IL1RAPL2: variants seen among roughly 807,000 people sequenced by gnomAD.
IL1RAPL2 encodes the protein X-linked interleukin-1 receptor accessory protein-like 2.
In IL1RAPL2, 3 loss-of-function variants were observed where a neutral mutation model predicts 44.1. The ratio of observed to expected loss-of-function variants is 0.07; its 90% CI spans 0.03 to 0.18. The LOEUF is 0.18. Ranked by LOEUF, IL1RAPL2 falls within the 10% of genes least tolerant of loss-of-function variation. The pLI is 1.00. For missense variants in IL1RAPL2, 391 were observed against 496.4 expected, an observed-to-expected ratio of 0.79 and a Z score of 2.02; for synonymous variants, 181 against 178.8, an observed-to-expected ratio of 1.01 and a Z score of -0.10.
chrX:104,776,528 A>G (rs776131311), intron 2 of IL1RAPL2, among the ~76,000 whole-genome samples: 21 of 111,753 alleles, frequency 1.9e-4, no homozygotes, highest in Non-Finnish European at 3.6e-4. Flanking sequence ...CCTCACATGG[A>G]TGAACTCAGG....
intron 5 of IL1RAPL2, among the ~76,000 whole-genome samples, chrX:105,408,232 C>A (rs1185842855): frequency 8.9e-6 from 1 of 111,778 alleles, no homozygotes; most frequent in Non-Finnish European, 1.9e-5. Context: ...GATTCTTTTA[C>A]TTATATTTTT....
intron 4 of IL1RAPL2, among the ~76,000 whole-genome samples, chrX:105,244,936 T>C (rs190441263): frequency 4.5e-4 from 50 of 111,472 alleles, no homozygotes; most frequent in African/African-American, 1.6e-3. Context: ...GCTCAGCATT[T>C]GTCTTATTTG....
chrX:105,496,440 AAGAG>A (rs760549890), intron 6 of IL1RAPL2, among the ~76,000 whole-genome samples: 1 of 112,664 alleles, frequency 8.9e-6, no homozygotes, highest in East Asian at 2.8e-4. Context: ...TTGAGAAAGA[AAGAG>A]AATCATGCTA....
intron 6 of IL1RAPL2, among the ~76,000 whole-genome samples, chrX:105,511,004 T>C (rs1326073864): frequency 1.8e-5 from 2 of 111,593 alleles, no homozygotes; most frequent in Non-Finnish European, 3.8e-5. Context: ...CAACACCATA[T>C]AGAGAGTCCA....
chrX:105,302,107 A>C (rs1011925752), intron 5 of IL1RAPL2, among the ~76,000 whole-genome samples: 1 of 112,018 alleles, frequency 8.9e-6, no homozygotes, highest in Non-Finnish European at 1.9e-5. Context: ...CATTTCTCTG[A>C]TGATCAGTGA....
At chrX:105,164,261 C>A (rs906998580) in intron 2 of IL1RAPL2, among the ~76,000 whole-genome samples, 3 of 111,497 alleles carry the variant, frequency 2.7e-5, no homozygotes, top group African/African-American at 9.8e-5. Flanking sequence ...CTGGCCTGAG[C>A]TGATCCCAAA....
intron 2 of IL1RAPL2, among the ~76,000 whole-genome samples, chrX:105,115,406 C>T (rs2032845042): frequency 9.0e-6 from 1 of 111,444 alleles, no homozygotes; most frequent in Non-Finnish European, 1.9e-5. Flanking sequence ...CTGATTGGTC[C>T]ATTTTACAGA....
At chrX:105,197,168 C>T (rs2033679274) in intron 3 of IL1RAPL2, among the ~76,000 whole-genome samples, 1 of 111,154 alleles carries the variant, frequency 9.0e-6, no homozygotes, top group African/African-American at 3.3e-5. Context: ...GGGAGAACAG[C>T]AGTCATTCTG....
At chrX:104,896,165 C>G (rs757287294) in intron 2 of IL1RAPL2, among the ~76,000 whole-genome samples, 1 of 112,053 alleles carries the variant, frequency 8.9e-6, no homozygotes, top group East Asian at 2.8e-4. Flanking sequence ...ATGGCTTCTC[C>G]CCTTTCTCGG....
intron 2 of IL1RAPL2, among the ~76,000 whole-genome samples, chrX:105,187,599 A>G (rs1401619975): frequency 5.4e-5 from 6 of 111,989 alleles, no homozygotes; most frequent in Non-Finnish European, 9.4e-5. Flanking sequence ...ATGAACCTGG[A>G]GGATATTATG....
chrX:105,080,126 G>T lies in IL1RAPL2; in HGVS notation c.83-115349G>T, dbSNP rs1044765979. Among the ~76,000 whole-genome samples, 165 of 112,120 alleles carry T rather than the reference G, an allele frequency of 1.5e-3. 1 individual carries two copies. Among genetic ancestry groups the T allele is most frequent in the African/African-American group, 5.1e-3 (156 of 30,874 alleles). On this transcript the variant is annotated intron_variant, in intron 2 of 10. Transcript: ENST00000372582. ...TGTAGATTCCGGATATTAGCCCTTT[G>T]TCAGATGGACAGATTGCAAAAATTT...
intron 2 of IL1RAPL2, among the ~76,000 whole-genome samples, chrX:105,058,017 C>T (rs1280568868): frequency 1.9e-5 from 2 of 105,747 alleles, no homozygotes; most frequent in Non-Finnish European, 3.9e-5. Context: ...GGTGCGATCT[C>T]GGCTCACTGC....
chrX:105,427,193 T>G (rs2035817267), intron 5 of IL1RAPL2, among the ~76,000 whole-genome samples: 1 of 111,958 alleles, frequency 8.9e-6, no homozygotes, highest in South Asian at 3.7e-4. Flanking sequence ...TTGGGCTCCA[T>G]GCTTTCTTTG....
chrX:105,181,785 C>T (rs948852849), intron 2 of IL1RAPL2, among the ~76,000 whole-genome samples: 1 of 111,452 alleles, frequency 9.0e-6, no homozygotes, highest in Non-Finnish European at 1.9e-5. Flanking sequence ...TATGTTCTGG[C>T]TGGGCGCAGT....
chrX:104,946,508 G>C (rs1393276284), intron 2 of IL1RAPL2, among the ~76,000 whole-genome samples: 1 of 97,671 alleles, frequency 1.0e-5, no homozygotes, highest in Non-Finnish European at 2.0e-5. Flanking sequence ...CTGGTGTGCT[G>C]CACCCACTAA....
chrX:105,399,185 C>A (rs1003986688), intron 5 of IL1RAPL2, among the ~76,000 whole-genome samples: 2 of 111,560 alleles, frequency 1.8e-5, no homozygotes, highest in African/African-American at 6.5e-5. Flanking sequence ...AATTTGTCTG[C>A]TCTCTAATTG....
At chrX:105,405,107 G>A (rs1224595298) in intron 5 of IL1RAPL2, among the ~76,000 whole-genome samples, 2 of 111,363 alleles carry the variant, frequency 1.8e-5, no homozygotes, top group African/African-American at 3.3e-5. Context: ...TTATATTTAA[G>A]GTTTGATTTT....
intron 1 of IL1RAPL2, among the ~76,000 whole-genome samples, chrX:104,620,085 C>T (rs960142639): frequency 1.9e-4 from 21 of 111,295 alleles, no homozygotes; most frequent in Non-Finnish European, 3.2e-4. Flanking sequence ...AGTAGGAAAC[C>T]ATTAGGAGTT....
chrX:105,165,012 A>C (rs1007195873), intron 2 of IL1RAPL2, among the ~76,000 whole-genome samples: 5 of 111,536 alleles, frequency 4.5e-5, no homozygotes, highest in Non-Finnish European at 7.5e-5. Context: ...CAATGTATCT[A>C]AACCTGAACT....
Sources: gnomAD v4.1 joint callset for allele counts (sites outside exome capture counted in the v4.1 genomes callset) on GRCh38, gnomAD v4.1.1 for gene constraint, MANE v1.5 for transcripts, NCBI Gene and HGNC (gene_info 2026-07-23, HGNC 2026-07-21) for gene names.